Variants in PTCH2 observed in about 807,000 individuals in gnomAD.
The protein encoded by PTCH2 is protein patched homolog 2.
PTCH2 carries 96 observed loss-of-function variants against 117.9 expected under a neutral mutation model. The observed-to-expected ratio is 0.81, with a 90% CI of 0.69 to 0.96. The LOEUF (loss-of-function observed/expected upper bound fraction) is 0.96. Ranked by LOEUF, PTCH2 falls within the 50% of genes least tolerant of loss-of-function variation. The pLI is 0.00. For synonymous variants in PTCH2, 615 were observed against 660.9 expected (o/e 0.93, Z 1.06); for missense variants, 1,379 against 1,562.5 (o/e 0.88, Z 1.98).
chr1:44,819,923 C>G (rs572881320), downstream of PTCH2: 1 of 153,246 alleles, frequency 6.5e-6, no homozygotes, highest in African/African-American at 2.4e-5. Flanking sequence ...TGAATAAAAA[C>G]TCACAACTTT....
At chr1:44,835,098 TC>T (rs1418127432) in intron 2 of PTCH2, among the ~76,000 whole-genome samples, 1 of 152,060 alleles carries the variant, frequency 6.6e-6, no homozygotes, top group Non-Finnish European at 1.5e-5. Flanking sequence ...TGAGACAGGG[TC>T]TCGCTTTGTC....
intron 11 of PTCH2, 51 bp from the exon 12 acceptor site, chr1:44,828,682 G>A: frequency 6.3e-7 from 1 of 1,590,436 alleles, no homozygotes; most frequent in African/African-American, 1.3e-5. Flanking sequence ...GAGGGGCCGT[G>A]TCAAAGTGGA....
At position 44,828,145 on chromosome 1, in the gene PTCH2, C is replaced by T. The variant is rs751113988; in HGVS notation, c.1756G>A (p.Asp586Asn). The T allele has an allele frequency of 1.9e-6, 3 of 1,613,866 alleles. No individual in the cohort carries two copies. Among genetic ancestry groups the T allele is most frequent in the Non-Finnish European group, 2.5e-6 (3 of 1,180,044 alleles). Reference sequence around the variant, plus strand: ...GCAATGCCCACTGGTACTGTCCCGTCCCCCAGCTCCTGGGGCAGGATCTGA... The same window carrying T: ...GCAATGCCCACTGGTACTGTCCCGTTCCCCAGCTCCTGGGGCAGGATCTGA... ...VIQILPQELG[D>N]GTVPVGIAHL... is the part of the protein sequence containing the mutation. The change falls in exon 14 of 22, where the codon GAC becomes AAC. Residue 586 changes from aspartate (D) to asparagine (N), a missense_variant. Coordinates refer to ENST00000372192, the MANE Select transcript of PTCH2 (RefSeq NM_003738.5).
Position 44,828,484 on chromosome 1 carries a change from T to C in PTCH2, c.1590+22A>G, listed in dbSNP as rs2273940. On this transcript the variant is annotated intron_variant, in intron 12 of 21. Coordinates refer to ENST00000372192, the MANE Select transcript of PTCH2 (RefSeq NM_003738.5). Reference sequence around the variant, plus strand: ...CCTCAGCCCCACACCCACCCTGAGCTGCCCCGTGTGAGAGGCCTCACCTGT... The same window carrying C: ...CCTCAGCCCCACACCCACCCTGAGCCGCCCCGTGTGAGAGGCCTCACCTGT... 0.37 allele frequency: 598,216 copies of C among 1,613,824 alleles called. 114,260 individuals are homozygous for C. The highest frequency in any genetic ancestry group is 0.58 in the African/African-American group (43,829 of 74,978).
intron 6 of PTCH2, among the ~76,000 whole-genome samples, 176 bp from the exon 7 acceptor site, chr1:44,830,206 C>T (rs577495669): frequency 8.8e-5 from 13 of 148,170 alleles, no homozygotes; most frequent in Non-Finnish European, 1.8e-4. Context: ...ATCCCGCAGA[C>T]AGGAAGCCCC....
In PTCH2 at chr1:44,832,045, C is replaced by G; in HGVS notation, c.456-1G>C. The stretch of plus-strand genomic sequence containing the variant: ...GCAGATTTTGTTCAAATCCCAGGAC[C>G]TGCAATAGCCAGGGGCATAGGAGAT... On this transcript the variant is annotated splice_acceptor_variant, in intron 3 of 21. Transcript: ENST00000372192. LOFTEE classifies it high-confidence loss of function. 6.2e-7 allele frequency: 1 copy of G among 1,613,298 alleles called. No homozygotes were observed. The highest frequency in any genetic ancestry group is 1.3e-5 in the African/African-American group (1 of 74,992).
intron 2 of PTCH2, among the ~76,000 whole-genome samples, chr1:44,832,925 A>G (rs951466843): frequency 6.6e-6 from 1 of 152,208 alleles, no homozygotes; most frequent in Admixed American, 6.5e-5. Flanking sequence ...GGTGATAATA[A>G]TGGGCCCTGT....
In PTCH2 at chr1:44,821,973, A is replaced by G. The variant is rs1652928723; in HGVS notation, c.*442T>C. The G allele has an allele frequency of 7.6e-7, 1 of 1,311,734 alleles. No individual in the cohort carries two copies. Among genetic ancestry groups the G allele is most frequent in the Non-Finnish European group, 1.0e-6 (1 of 997,810 alleles). The allele number at this position is 1,311,734 out of a possible 1,614,324, so 81.3% of individuals were successfully genotyped here. On this transcript the variant is annotated 3_prime_UTR_variant, in exon 22 of 22. Coordinates refer to ENST00000372192, the MANE Select transcript of PTCH2 (RefSeq NM_003738.5). ...TAGAATATATTTCATTCTTTAAAAA[A>G]TAAAACTTTCATCATAGCTAACATG...
In PTCH2 at chr1:44,827,227, G is replaced by T. The variant is rs751222146; in HGVS notation, c.2454C>A (p.Ala818=). 11 of 1,614,018 alleles carry T rather than the reference G, an allele frequency of 6.8e-6. No homozygotes were observed. Among genetic ancestry groups the T allele is most frequent in the Non-Finnish European group, 8.5e-6 (10 of 1,180,026 alleles). The change falls in exon 16 of 22, where the codon GCC becomes GCA. Residue 818 remains alanine (A), a synonymous_variant. Transcript: ENST00000372192. ...TCTGGATGAGCAGCTTGTAGGCCAG[G>T]GCCCCATCCTCAGAGCCATTGCGGT... ...HSYRNGSEDG[A]LAYKLLIQTG...
At chr1:44,825,971 A>G (rs1231640851) in intron 19 of PTCH2, among the ~76,000 whole-genome samples, 2 of 151,676 alleles carry the variant, frequency 1.3e-5, no homozygotes, top group African/African-American at 4.9e-5. Flanking sequence ...CAGCCTCCAA[A>G]GTAGCTGGGA....
chr1:44,827,614 C>T lies in PTCH2; in HGVS notation c.2159G>A (p.Gly720Asp), dbSNP rs977233682. 4 of 1,613,842 alleles carry T rather than the reference C, an allele frequency of 2.5e-6. No individual in the cohort carries two copies. Among genetic ancestry groups the T allele is most frequent in the Non-Finnish European group, 3.4e-6 (4 of 1,180,030 alleles). ...GCTCAGGAAGGCATGCTCCTTGGTGCCCCGAGGCACCACATCCGTCAGGGC... is the reference window on the plus strand; with the variant it reads ...GCTCAGGAAGGCATGCTCCTTGGTGTCCCGAGGCACCACATCCGTCAGGGC... ...GLALTDVVPR[G>D]TKEHAFLSAQ... Residue 720 changes from glycine to aspartate, a missense_variant, in exon 15 of 22, where the codon GGC becomes GAC. Coordinates refer to ENST00000372192, the MANE Select transcript of PTCH2 (RefSeq NM_003738.5).
chr1:44,837,845 G>T (rs948952609), intron 2 of PTCH2, among the ~76,000 whole-genome samples: 2 of 151,868 alleles, frequency 1.3e-5, no homozygotes, highest in African/African-American at 4.8e-5. Flanking sequence ...TTGGGAGGCC[G>T]AGGCGGGCGG....
In PTCH2 at chr1:44,826,398, C is replaced by T. The variant is rs1351903435; in HGVS notation, c.2977-11G>A. ...CGCCAGGACCAGCACCTGAGGGAGACAGGGCTCACAGAGGGCTCCTGGCAG... is the reference window on the plus strand; with the variant it reads ...CGCCAGGACCAGCACCTGAGGGAGATAGGGCTCACAGAGGGCTCCTGGCAG... On this transcript the variant is annotated splice_polypyrimidine_tract_variant and intron_variant, in intron 18 of 21. Transcript: ENST00000372192. The surrounding 1 kb of genome is among the most constrained non-coding windows in gnomAD (Gnocchi z 5.1). 2.5e-6 allele frequency: 4 copies of T among 1,614,072 alleles called. No homozygotes were observed. The Admixed American group carries it at 6.7e-5, about 27-fold the overall frequency.
Position 44,842,981 on chromosome 1 carries a change from C to T in PTCH2, c.-49G>A, listed in dbSNP as rs1654022185. On this transcript the variant is annotated 5_prime_UTR_variant, in exon 1 of 22. Coordinates refer to ENST00000372192, the MANE Select transcript of PTCH2 (RefSeq NM_003738.5). ...GCGCCCCCAACCCGCGTTATCTGGGCGCTCCCATAGGCTAGCCCGGTCTCC... is the reference window on the plus strand; with the variant it reads ...GCGCCCCCAACCCGCGTTATCTGGGTGCTCCCATAGGCTAGCCCGGTCTCC... The T allele has an allele frequency of 6.6e-7, 1 of 1,508,004 alleles. No homozygotes were observed. The highest frequency in any genetic ancestry group is 8.8e-7 in the Non-Finnish European group (1 of 1,130,902). 93.4% of individuals were successfully genotyped at this position (1,508,004 alleles called of 1,614,324 possible).
In PTCH2 at chr1:44,823,296, G is replaced by A; in HGVS notation, c.3204C>T (p.Ser1068=). ...TFAPVTDGAI[S]TLLGLLMLAG... The stretch of plus-strand genomic sequence containing the variant: ...CAAGCATGAGCAGACCCAGCAATGT[G>A]GAGATGGCCCCATCGGTCACGGGGG... The change falls in exon 20 of 22, where the codon TCC becomes TCT. Residue 1068 remains serine, a synonymous_variant. Coordinates refer to ENST00000372192, the MANE Select transcript of PTCH2 (RefSeq NM_003738.5). This position sits in a 1 kb window ranked among gnomAD's most constrained non-coding sequence, Gnocchi z 5.1. 2 of 1,614,232 alleles carry A rather than the reference G, an allele frequency of 1.2e-6. No individual in the cohort carries two copies. The highest frequency in any genetic ancestry group is 1.7e-6 in the Non-Finnish European group (2 of 1,180,042).
In PTCH2 at chr1:44,823,630, T is replaced by G. The variant is rs778096538; in HGVS notation, c.3115-245A>C. ...ATAGGGTACAGCCTGGGTGACAGAG[T>G]GAGACCCTGTCTCTTAAAACAAACA... On this transcript the variant is annotated intron_variant, in intron 19 of 21. Coordinates refer to ENST00000372192, the MANE Select transcript of PTCH2 (RefSeq NM_003738.5). This position sits in a 1 kb window ranked among gnomAD's most constrained non-coding sequence, Gnocchi z 5.1. Among the ~76,000 whole-genome samples the G allele has an allele frequency of 3.3e-5, 5 of 151,996 alleles. No individual in the cohort carries two copies. The highest frequency in any genetic ancestry group is 7.4e-5 in the Non-Finnish European group (5 of 68,004).
At position 44,830,587 on chromosome 1, in the gene PTCH2, C is replaced by CAAAAAAAAAAAAAAAAAAAAAAAA. The variant is rs768951349; in HGVS notation, c.813+260_813+261insTTTTTTTTTTTTTTTTTTTTTTTT. Among the ~76,000 whole-genome samples, 105 of 65,104 alleles carry CAAAAAAAAAAAAAAAAAAAAAAAA rather than the reference C, an allele frequency of 1.6e-3. 4 individuals carry two copies. The highest frequency in any genetic ancestry group is 4.4e-3 in the African/African-American group (64 of 14,676). The allele number at this position is 65,104 out of a possible 152,430, so 42.7% of individuals were successfully genotyped here. A position where few individuals can be genotyped will look rare whatever the true frequency, so the allele number is the denominator to read the frequency against. ...CCAGCCTGGGTGACAGAGTGAGACT[C>CAAAAAAAAAAAAAAAAAAAAAAAA]AAAAAAAAAAAAAAAAAGAAGTCCA... On this transcript the variant is annotated intron_variant, in intron 6 of 21. Coordinates refer to ENST00000372192, the MANE Select transcript of PTCH2 (RefSeq NM_003738.5).
intron 11 of PTCH2, 102 bp downstream of exon 11, chr1:44,828,880 G>A: frequency 2.3e-6 from 3 of 1,323,926 alleles, no homozygotes. Context: ...ATGGGGACAA[G>A]AGGCACCGAG....
chr1:44,831,956 T>G lies in PTCH2; in HGVS notation c.525+19A>C, dbSNP rs770589703. ...GCTACAGAAAAAGTTCTGCCTCTACTCCCTCTCAGGACACTTACCCGCTCA... is the reference window on the plus strand; with the variant it reads ...GCTACAGAAAAAGTTCTGCCTCTACGCCCTCTCAGGACACTTACCCGCTCA... On this transcript the variant is annotated intron_variant, in intron 4 of 21. Coordinates refer to ENST00000372192, the MANE Select transcript of PTCH2 (RefSeq NM_003738.5). The surrounding 1 kb of genome is among the most constrained non-coding windows in gnomAD (Gnocchi z 4.3). 41 of 1,602,216 alleles carry G rather than the reference T, an allele frequency of 2.6e-5. No homozygotes were observed. The Admixed American group carries it at 6.7e-4, about 26-fold the overall frequency.
Sources: gnomAD v4.1 joint callset for allele counts (sites outside exome capture counted in the v4.1 genomes callset) on GRCh38, gnomAD v4.1.1 for gene constraint, Gnocchi (gnomAD v3.1) non-coding constraint, MANE v1.5 for transcripts, NCBI Gene and HGNC (gene_info 2026-07-23, HGNC 2026-07-21) for gene names.